MAGI2: variants seen among roughly 807,000 people sequenced by gnomAD.
The protein encoded by MAGI2 is membrane associated guanylate kinase, WW and PDZ domain containing 2.
A neutral mutation model predicts 133.3 loss-of-function variants in MAGI2; 35 were observed. That is an observed-to-expected ratio of 0.26 (90% CI 0.20 to 0.35). The LOEUF (loss-of-function observed/expected upper bound fraction) is 0.35, where lower values mean the gene tolerates loss of function less well. Ranked by LOEUF, MAGI2 falls within the 10% of genes least tolerant of loss-of-function variation. MAGI2 has a pLI of 1.00. For synonymous variants in MAGI2, 729 were observed against 710.6 expected, an observed-to-expected ratio of 1.03 and a Z score of -0.41; for missense variants, 1,636 against 1,863.4, an observed-to-expected ratio of 0.88 and a Z score of 2.25.
chr7:78,958,045 A>T (rs2115711738), intron 2 of MAGI2, among the ~76,000 whole-genome samples: 1 of 152,256 alleles, frequency 6.6e-6, no homozygotes, highest in South Asian at 2.1e-4. Flanking sequence ...ACCCAATTAA[A>T]TCAGTTGCTA....
At chr7:78,024,622 A>G (rs1808736852) in intron 21 of MAGI2, among the ~76,000 whole-genome samples, 1 of 152,086 alleles carries the variant, frequency 6.6e-6, no homozygotes, top group Admixed American at 6.5e-5. Flanking sequence ...CTTCACTTTC[A>G]CCGCCCTAAT....
intron 2 of MAGI2, among the ~76,000 whole-genome samples, chr7:78,776,821 ATCT>A (rs1397846644): frequency 6.6e-6 from 1 of 151,924 alleles, no homozygotes. Context: ...TGAGAAAATT[ATCT>A]TCTTTTTTCA....
chr7:79,383,990 T>C (rs1236855299), intron 1 of MAGI2, among the ~76,000 whole-genome samples: 1 of 151,586 alleles, frequency 6.6e-6, no homozygotes, highest in African/African-American at 2.4e-5. Context: ...GACAACTGTA[T>C]ATCAGTACAT....
chr7:78,070,210 T>TACACACACAC (rs1239618988), intron 21 of MAGI2, among the ~76,000 whole-genome samples: 1 of 55,424 alleles, frequency 1.8e-5, no homozygotes, highest in East Asian at 1.1e-3. Context: ...TATATATATA[T>TACACACACAC]ATATATATAC....
chr7:78,675,069 G>A (rs1814858340), intron 2 of MAGI2, among the ~76,000 whole-genome samples: 1 of 152,116 alleles, frequency 6.6e-6, no homozygotes, highest in Non-Finnish European at 1.5e-5. Context: ...CAGAACTATA[G>A]ATGACTGTCA....
chr7:79,138,556 T>G (rs184418820), intron 1 of MAGI2, among the ~76,000 whole-genome samples: 34 of 152,328 alleles, frequency 2.2e-4, no homozygotes, highest in Admixed American at 7.2e-4. Flanking sequence ...TGGCTTTCTA[T>G]TTCAGACTGA....
chr7:79,052,966 T>C (rs149451897), intron 1 of MAGI2, among the ~76,000 whole-genome samples: 32 of 152,152 alleles, frequency 2.1e-4, no homozygotes, highest in African/African-American at 7.7e-4. Context: ...AGGCCTCAAA[T>C]CCTCTTTCCA....
chr7:78,186,833 C>A (rs1454634355), intron 12 of MAGI2, among the ~76,000 whole-genome samples: 1 of 152,160 alleles, frequency 6.6e-6, no homozygotes, highest in Non-Finnish European at 1.5e-5. Context: ...ATAATACACT[C>A]TTTTCTGAAC....
intron 21 of MAGI2, chr7:78,078,602 T>C (rs1397397838): frequency 9.4e-6 from 4 of 426,094 alleles, no homozygotes; most frequent in Non-Finnish European, 1.2e-5. Flanking sequence ...TGTACTCAAA[T>C]GAACAGTGGA....
intron 1 of MAGI2, among the ~76,000 whole-genome samples, chr7:79,024,012 A>T (rs1809606138): frequency 6.6e-6 from 1 of 152,160 alleles, no homozygotes; most frequent in African/African-American, 2.4e-5. Flanking sequence ...ACCAAAAAGG[A>T]TCTCCAATAG....
In MAGI2 at chr7:78,557,671, C is replaced by T. The variant is rs531302839; in HGVS notation, c.539-36026G>A. Among the ~76,000 whole-genome samples the T allele has an allele frequency of 6.6e-5, 10 of 152,250 alleles. No homozygotes were observed. In the South Asian group the frequency reaches 2.1e-3, roughly 31 times the overall value. ...GAATGTCACTACCCAGAAATACTTT[C>T]TAGAAGGTCAGTGACAACCCCATAG... On this transcript the variant is annotated intron_variant, in intron 3 of 21. Coordinates refer to ENST00000354212, the MANE Select transcript of MAGI2 (RefSeq NM_012301.4).
At chr7:79,273,089 C>G (rs918898788) in intron 1 of MAGI2, among the ~76,000 whole-genome samples, 15 of 152,034 alleles carry the variant, frequency 9.9e-5, no homozygotes, top group Non-Finnish European at 1.6e-4. Context: ...GCCAATTCAG[C>G]AAATATTCTT....
chr7:78,812,425 C>G (rs533053848), intron 2 of MAGI2, among the ~76,000 whole-genome samples: 19 of 152,144 alleles, frequency 1.2e-4, no homozygotes, highest in Admixed American at 1.2e-3. Context: ...TTTTCAGACA[C>G]AGAATCACAA....
chr7:79,185,464 C>T (rs1184411985), intron 1 of MAGI2, among the ~76,000 whole-genome samples: 5 of 151,396 alleles, frequency 3.3e-5, no homozygotes, highest in Non-Finnish European at 4.4e-5. Context: ...CTGCCACAAG[C>T]TCCAGCTTTC....
At chr7:78,895,062 G>C (rs2151579714) in intron 2 of MAGI2, among the ~76,000 whole-genome samples, 1 of 152,260 alleles carries the variant, frequency 6.6e-6, no homozygotes, top group Middle Eastern at 3.4e-3. Context: ...CTCATGAATG[G>C]ACTAGTCCAT....
intron 2 of MAGI2, among the ~76,000 whole-genome samples, chr7:78,710,437 C>T (rs1310908482): frequency 6.6e-6 from 1 of 152,148 alleles, no homozygotes; most frequent in African/African-American, 2.4e-5. Context: ...TTAACCCCAT[C>T]AAAGAATGTG....
intron 9 of MAGI2, among the ~76,000 whole-genome samples, chr7:78,277,765 G>C (rs979266400): frequency 5.3e-5 from 8 of 152,282 alleles, no homozygotes; most frequent in African/African-American, 1.9e-4. Flanking sequence ...AGTTTCAGTA[G>C]GCTACTGAGA....
intron 3 of MAGI2, among the ~76,000 whole-genome samples, chr7:78,626,413 C>G (rs1808350739): frequency 6.6e-6 from 1 of 152,058 alleles, no homozygotes. Context: ...GATGAGACAA[C>G]TAAGGTTTAG....
intron 3 of MAGI2, among the ~76,000 whole-genome samples, chr7:78,546,910 G>A (rs935251086): frequency 6.6e-6 from 1 of 152,192 alleles, no homozygotes. Context: ...TCAACTTTGT[G>A]CATTGGACAT....
Sources: gnomAD v4.1 joint callset for allele counts (sites outside exome capture counted in the v4.1 genomes callset) on GRCh38, gnomAD v4.1.1 for gene constraint, MANE v1.5 for transcripts, NCBI Gene and HGNC (gene_info 2026-07-23, HGNC 2026-07-21) for gene names.